DDR2: variants seen among roughly 807,000 people sequenced by gnomAD.
DDR2 encodes discoidin domain receptor tyrosine kinase 2.
In DDR2, 27 loss-of-function variants were observed where a neutral mutation model predicts 94.9. That is an observed-to-expected ratio of 0.28 (90% CI 0.21 to 0.39). The LOEUF (loss-of-function observed/expected upper bound fraction) is 0.39. DDR2 is among the 10% of genes least tolerant of loss of function. The probability of loss-of-function intolerance (pLI) is 1.00; values close to 1 mark genes in which losing one functional copy is unlikely to be tolerated. For missense variants in DDR2, 783 were observed against 1,076.0 expected, an observed-to-expected ratio of 0.73 and a Z score of 3.81; for synonymous variants, 382 against 377.2, an observed-to-expected ratio of 1.01 and a Z score of -0.15.
chr1:162,742,218 C>A (rs1345064094), intron 3 of DDR2, among the ~76,000 whole-genome samples: 2 of 152,208 alleles, frequency 1.3e-5, no homozygotes, highest in Admixed American at 6.5e-5. Context: ...TCTCTTGATT[C>A]AAAACTGACT....
intron 2 of DDR2, among the ~76,000 whole-genome samples, chr1:162,713,063 A>G (rs980276195): frequency 2.0e-5 from 3 of 152,160 alleles, no homozygotes; most frequent in Non-Finnish European, 2.9e-5. Flanking sequence ...TCAAAAGGAG[A>G]TGATAATTTC....
At chr1:162,656,634 G>T (rs987812140) in intron 2 of DDR2, among the ~76,000 whole-genome samples, 1 of 151,476 alleles carries the variant, frequency 6.6e-6, no homozygotes, top group Non-Finnish European at 1.5e-5. Context: ...TTGGTATGGG[G>T]GAGTTAAGAG....
chr1:162,726,187 T>A (rs760475268), intron 3 of DDR2, among the ~76,000 whole-genome samples: 4 of 152,262 alleles, frequency 2.6e-5, no homozygotes, highest in Non-Finnish European at 4.4e-5. Context: ...ACTTCTGTCC[T>A]CTTCCTCAAT....
At chr1:162,696,962 T>C (rs920280510) in intron 2 of DDR2, among the ~76,000 whole-genome samples, 3 of 152,062 alleles carry the variant, frequency 2.0e-5, no homozygotes, top group African/African-American at 7.2e-5. Context: ...GAGATTTCTA[T>C]TATACAAGAG....
At chr1:162,665,417 C>T (rs1216977526) in intron 2 of DDR2, among the ~76,000 whole-genome samples, 1 of 152,174 alleles carries the variant, frequency 6.6e-6, no homozygotes. Context: ...GCTCATTCAT[C>T]TGCCTGCACC....
intron 1 of DDR2, among the ~76,000 whole-genome samples, chr1:162,653,744 G>A (rs1410476704): frequency 2.6e-5 from 4 of 152,048 alleles, no homozygotes; most frequent in African/African-American, 9.7e-5. Context: ...AGTTTTTCTG[G>A]AGCAGTGAGG....
At chr1:162,734,075 C>T (rs1192398768) in intron 3 of DDR2, among the ~76,000 whole-genome samples, 1 of 152,176 alleles carries the variant, frequency 6.6e-6, no homozygotes, top group East Asian at 1.9e-4. Flanking sequence ...GTCTTGCTTA[C>T]TACTGTATCT....
At chr1:162,658,136 C>A (rs933652014) in intron 2 of DDR2, among the ~76,000 whole-genome samples, 4 of 152,128 alleles carry the variant, frequency 2.6e-5, no homozygotes, top group Non-Finnish European at 4.4e-5. Context: ...TAGAAACTGT[C>A]TTTTTTCCAC....
At chr1:162,773,379 A>C in intron 13 of DDR2, 90 bp from the exon 14 acceptor site, 1 of 1,565,758 alleles carries the variant, frequency 6.4e-7, no homozygotes, top group Non-Finnish European at 8.8e-7. Context: ...GAGTTGTAAG[A>C]GTTAGTTTAT....
In DDR2 at chr1:162,765,294, G is replaced by A. The variant is rs185792175; in HGVS notation, c.1100-707G>A. 2.7e-3 allele frequency among the ~76,000 whole-genome samples: 418 copies of A among 152,202 alleles called. 2 individuals carry two copies. The highest frequency in any genetic ancestry group is 9.5e-3 in the African/African-American group (393 of 41,522). On this transcript the variant is annotated intron_variant, in intron 9 of 17. Transcript: ENST00000367921. The stretch of plus-strand genomic sequence containing the variant: ...ACTCCGAAAGCACATGCAGAGGCCA[G>A]ATACCTCCTTATTTATATAATAATA...
intron 3 of DDR2, among the ~76,000 whole-genome samples, chr1:162,723,521 G>A (rs557096479): frequency 4.6e-5 from 7 of 152,290 alleles, no homozygotes; most frequent in South Asian, 2.1e-4. Context: ...GGCACCTTAC[G>A]TTTTTCCAGG....
intron 1 of DDR2, among the ~76,000 whole-genome samples, chr1:162,638,989 G>A (rs1048293458): frequency 6.6e-6 from 1 of 150,628 alleles, no homozygotes; most frequent in Admixed American, 6.6e-5. Context: ...TCTTTGAGAC[G>A]GAGTCTTGCT....
intron 1 of DDR2, among the ~76,000 whole-genome samples, chr1:162,653,272 T>C (rs1657790956): frequency 6.6e-6 from 1 of 152,104 alleles, no homozygotes; most frequent in African/African-American, 2.4e-5. Flanking sequence ...TGCAGGGAAC[T>C]AGCTTTCAGA....
intron 3 of DDR2, among the ~76,000 whole-genome samples, chr1:162,728,466 G>T (rs1052363890): frequency 2.0e-5 from 3 of 151,792 alleles, no homozygotes; most frequent in Non-Finnish European, 2.9e-5. Context: ...ATTATTGAGG[G>T]GTCATGAAGG....
chr1:162,777,032 A>G (rs1281384042), intron 16 of DDR2, among the ~76,000 whole-genome samples: 5 of 152,118 alleles, frequency 3.3e-5, no homozygotes, highest in African/African-American at 1.2e-4. Context: ...TTCTTGTGTG[A>G]CATTGCAGAG....
intron 2 of DDR2, among the ~76,000 whole-genome samples, chr1:162,655,715 C>A (rs1657922138): frequency 6.6e-6 from 1 of 152,080 alleles, no homozygotes; most frequent in Non-Finnish European, 1.5e-5. Context: ...CTTACAGGAC[C>A]CACTGGAATC....
chr1:162,642,382 C>A (rs1179234231), intron 1 of DDR2, among the ~76,000 whole-genome samples: 2 of 152,104 alleles, frequency 1.3e-5, no homozygotes, highest in Non-Finnish European at 2.9e-5. Flanking sequence ...AAGCGATTGT[C>A]CTGCCTCAGC....
chr1:162,651,648 C>T (rs1277999732), intron 1 of DDR2, among the ~76,000 whole-genome samples: 1 of 152,110 alleles, frequency 6.6e-6, no homozygotes, highest in East Asian at 1.9e-4. Context: ...ATATTACATA[C>T]TAGGAACTCA....
intron 2 of DDR2, among the ~76,000 whole-genome samples, chr1:162,666,745 C>A (rs2101929604): frequency 6.6e-6 from 1 of 152,084 alleles, no homozygotes; most frequent in African/African-American, 2.4e-5. Context: ...GTACTAACCT[C>A]AAATCTCACC....
Sources: allele counts gnomAD v4.1 joint callset (sites outside exome capture counted in the v4.1 genomes callset), GRCh38; gene constraint gnomAD v4.1.1; transcripts MANE v1.5; gene names NCBI Gene and HGNC (gene_info 2026-07-23, HGNC 2026-07-21).